The following ABI2 variants were observed in gnomAD, a reference collection of about 807,000 sequenced individuals.
The protein encoded by ABI2 is abl interactor 2, also known as abelson interactor 2.
A neutral mutation model predicts 59.2 loss-of-function variants in ABI2; 25 were observed. The observed-to-expected ratio is 0.42, with a 90% CI of 0.31 to 0.59. The LOEUF (loss-of-function observed/expected upper bound fraction) is 0.59. Ranked by LOEUF, ABI2 falls within the 20% of genes least tolerant of loss-of-function variation. The pLI is 0.14. For synonymous variants in ABI2, 213 were observed against 235.5 expected (o/e 0.90, Z 0.87); for missense variants, 545 against 681.8 (o/e 0.80, Z 2.23).
At chr2:203,382,095 C>CT (rs1256742314) in intron 3 of ABI2, 94 bp from the exon 4 acceptor site, 3 of 1,100,224 alleles carry the variant, frequency 2.7e-6, no homozygotes, top group East Asian at 2.7e-5. Context: ...CTTGTTTTTT[C>CT]TTTTTTTCCT....
At position 203,341,558 on chromosome 2, in the gene ABI2, C is replaced by G. The variant is rs964071746; in HGVS notation, c.117+12927C>G. On this transcript the variant is annotated intron_variant, in intron 1 of 11. Transcript: ENST00000261018. The stretch of plus-strand genomic sequence containing the variant: ...GGCGAAACCCCATCTCTACTAAAAA[C>G]AAAAAAATTTCTCCGGGCTTGTTGG... Among the ~76,000 whole-genome samples, 4 of 151,750 alleles carry G rather than the reference C, an allele frequency of 2.6e-5. No homozygotes were observed. In the East Asian group the frequency reaches 5.8e-4, roughly 22 times the overall value.
intron 11 of ABI2, among the ~76,000 whole-genome samples, chr2:203,417,908 T>A (rs1349025227): frequency 6.6e-6 from 1 of 151,860 alleles, no homozygotes; most frequent in Non-Finnish European, 1.5e-5. Context: ...CCACATGTGA[T>A]CAAGAAAGTA....
intron 1 of ABI2, among the ~76,000 whole-genome samples, chr2:203,336,463 T>C (rs1204216841): frequency 6.6e-6 from 1 of 152,198 alleles, no homozygotes; most frequent in Non-Finnish European, 1.5e-5. Context: ...GCGAGGACCT[T>C]ATGTGAAGCC....
chr2:203,420,584 A>G lies in ABI2; in HGVS notation c.1453+3503A>G, dbSNP rs1243198384. ...AATTTTTTGTATTTTTAGTAGAGAC[A>G]GGGTTTCACCATGTTAGCCAGGATG... On this transcript the variant is annotated intron_variant, in intron 11 of 11. Transcript: ENST00000261018. Among the ~76,000 whole-genome samples, 5 of 151,910 alleles carry G rather than the reference A, an allele frequency of 3.3e-5. No individual in the cohort carries two copies. In the East Asian group the frequency reaches 5.8e-4, roughly 18 times the overall value.
Position 203,384,823 on chromosome 2 carries a change from CT to C in ABI2, c.480+2629del, listed in dbSNP as rs1029237034. Among the ~76,000 whole-genome samples, 309 of 143,668 alleles carry C rather than the reference CT, an allele frequency of 2.2e-3. 1 individual carries two copies. The highest frequency in any genetic ancestry group is 6.1e-3 in the African/African-American group (242 of 39,376). 94.3% of individuals were successfully genotyped at this position (143,668 alleles called of 152,430 possible). Reference sequence around the variant, plus strand: ...CAGTTGAACATCGCCCAAGCAGATTCTTTTTTTTTTTTCTTTTTTTCTTTTT... The same window carrying C: ...CAGTTGAACATCGCCCAAGCAGATTCTTTTTTTTTTTCTTTTTTTCTTTTT... On this transcript the variant is annotated intron_variant, in intron 4 of 11. Transcript: ENST00000261018.
At chr2:203,420,870 A>G (rs1194554663) in intron 11 of ABI2, among the ~76,000 whole-genome samples, 1 of 147,916 alleles carries the variant, frequency 6.8e-6, no homozygotes, top group Admixed American at 6.7e-5. Context: ...TCAGGCAGAG[A>G]AGAGAGAAAG....
intron 1 of ABI2, among the ~76,000 whole-genome samples, chr2:203,341,212 C>T (rs1431024235): frequency 1.3e-5 from 2 of 152,104 alleles, no homozygotes; most frequent in Non-Finnish European, 2.9e-5. Context: ...TTTTTTTACG[C>T]CTACATATTT....
At chr2:203,416,458 A>G (rs1300660223) in intron 10 of ABI2, among the ~76,000 whole-genome samples, 1 of 151,822 alleles carries the variant, frequency 6.6e-6, no homozygotes, top group Non-Finnish European at 1.5e-5. Context: ...ACCATGTGCG[A>G]CTAATTTTTG....
intron 11 of ABI2, among the ~76,000 whole-genome samples, chr2:203,417,380 C>G (rs2097941332): frequency 6.6e-6 from 1 of 152,194 alleles, no homozygotes; most frequent in African/African-American, 2.4e-5. Flanking sequence ...TATTTTTCCA[C>G]ATTATTATTC....
intron 1 of ABI2, among the ~76,000 whole-genome samples, chr2:203,349,446 C>T (rs537149372): frequency 6.6e-6 from 1 of 152,170 alleles, no homozygotes; most frequent in South Asian, 2.1e-4. Flanking sequence ...CTCTTGTTGC[C>T]CAGGCTGGAG....
At chr2:203,333,031 T>C (rs1309296244) in intron 1 of ABI2, among the ~76,000 whole-genome samples, 1 of 152,196 alleles carries the variant, frequency 6.6e-6, no homozygotes, top group Non-Finnish European at 1.5e-5. Context: ...GCTTTCCTTT[T>C]CTTCTCTTAA....
chr2:203,392,040 G>A (rs1179393609), intron 5 of ABI2, among the ~76,000 whole-genome samples: 1 of 152,012 alleles, frequency 6.6e-6, no homozygotes, highest in Non-Finnish European at 1.5e-5. Flanking sequence ...TTTCAGCTGT[G>A]CTGTTACTTT....
At chr2:203,341,377 A>G (rs1328256332) in intron 1 of ABI2, among the ~76,000 whole-genome samples, 1 of 152,192 alleles carries the variant, frequency 6.6e-6, no homozygotes, top group Non-Finnish European at 1.5e-5. Flanking sequence ...AGCGAATTAG[A>G]TCTTTTCTAG....
At position 203,377,853 on chromosome 2, in the gene ABI2, C is replaced by T. The variant is rs547680853; in HGVS notation, c.286-2355C>T. 3.3e-5 allele frequency among the ~76,000 whole-genome samples: 5 copies of T among 152,298 alleles called. No individual in the cohort carries two copies. In the East Asian group the frequency reaches 9.7e-4, roughly 29 times the overall value. On this transcript the variant is annotated intron_variant, in intron 2 of 11. Transcript: ENST00000261018. ...CCTGAGAGGTCGAGGATGCAGTGAGCCATGATCGGGCCAGTCCACTCCAGC... is the reference window on the plus strand; with the variant it reads ...CCTGAGAGGTCGAGGATGCAGTGAGTCATGATCGGGCCAGTCCACTCCAGC...
intron 1 of ABI2, among the ~76,000 whole-genome samples, chr2:203,360,184 C>CAAAAAAAAAAA (rs58857922): frequency 1.4e-5 from 1 of 70,904 alleles, no homozygotes; most frequent in Non-Finnish European, 2.7e-5. Flanking sequence ...GACTCCATCT[C>CAAAAAAAAAAA]AAAAAAAAAA....
rs184861775 is a variant in ABI2 at position 203,421,152 on chromosome 2, G to C, written c.1453+4071G>C. Among the ~76,000 whole-genome samples, 12 of 152,088 alleles carry C rather than the reference G, an allele frequency of 7.9e-5. No homozygotes were observed. In the East Asian group the frequency reaches 2.3e-3, roughly 29 times the overall value. ...TCCATCTACTTATGTAACTTTTTTTGGAGATACCTGATAATAGTGTAGAGT... is the reference window on the plus strand; with the variant it reads ...TCCATCTACTTATGTAACTTTTTTTCGAGATACCTGATAATAGTGTAGAGT... On this transcript the variant is annotated intron_variant, in intron 11 of 11. Coordinates refer to ENST00000261018, the MANE Select transcript of ABI2 (RefSeq NM_001375670.1).
chr2:203,402,705 A>G lies in ABI2; in HGVS notation c.1163A>G (p.Asn388Ser). 6.2e-7 allele frequency: 1 copy of G among 1,600,204 alleles called. No homozygotes were observed. Among genetic ancestry groups the G allele is most frequent in the Non-Finnish European group, 8.5e-7 (1 of 1,175,714 alleles). ...CAAACAAGCCTTCAGAATCAGATGA[A>G]TGGAGGACCTTTTTATAGCCAGAAT... ...TSQTSLQNQM[N>S]GGPFYSQNPV... Residue 388 changes from asparagine (N) to serine (S), a missense_variant, in exon 9 of 12, where the codon AAT (asparagine) becomes AGT (serine). Asn to Ser is a conservative substitution (Grantham distance 46, BLOSUM62 1). Transcript: ENST00000261018.
At chr2:203,367,911 G>T (rs984654845) in intron 2 of ABI2, among the ~76,000 whole-genome samples, 4 of 151,974 alleles carry the variant, frequency 2.6e-5, no homozygotes, top group Non-Finnish European at 5.9e-5. Flanking sequence ...GGCTAAGGTG[G>T]GAGGATCATC....
At chr2:203,388,270 A>C (rs887037801) in intron 4 of ABI2, among the ~76,000 whole-genome samples, 3 of 152,232 alleles carry the variant, frequency 2.0e-5, no homozygotes, top group Admixed American at 6.5e-5. Flanking sequence ...GATTGTTTGG[A>C]CATTCTACAG....
Sources: gnomAD v4.1 joint callset for allele counts (sites outside exome capture counted in the v4.1 genomes callset) on GRCh38, gnomAD v4.1.1 for gene constraint, MANE v1.5 for transcripts, NCBI Gene and HGNC (gene_info 2026-07-23, HGNC 2026-07-21) for gene names.